The following HDAC5 variants were observed in gnomAD, a reference collection of about 807,000 sequenced individuals.
HDAC5 encodes antigen NY-CO-9.
HDAC5 carries 25 observed loss-of-function variants against 133.3 expected under a neutral mutation model. The ratio of observed to expected loss-of-function variants is 0.19; its 90% CI spans 0.14 to 0.26. The LOEUF (loss-of-function observed/expected upper bound fraction) is 0.26, where lower values mean the gene tolerates loss of function less well. Among genes scored for constraint, HDAC5 ranks in the 10% least tolerant of loss-of-function variants. The pLI is 1.00. For missense variants in HDAC5, 1,041 were observed against 1,460.5 expected, an observed-to-expected ratio of 0.71 and a Z score of 4.68; for synonymous variants, 589 against 610.8, an observed-to-expected ratio of 0.96 and a Z score of 0.53.
At chr17:44,084,001 G>A in intron 16 of HDAC5, 147 bp from the exon 17 acceptor site, 1 of 668,178 alleles carries the variant, frequency 1.5e-6, no homozygotes, top group East Asian at 2.7e-5. Flanking sequence ...GCACACACCT[G>A]TAAACCCAGC....
Position 44,078,328 on chromosome 17 carries a change from A to G in HDAC5, c.*48T>C, listed in dbSNP as rs2050207252. On this transcript the variant is annotated 3_prime_UTR_variant, in exon 27 of 27. Transcript: ENST00000682912. ...TGACTTTTTGTTTTTAATAGAAAAAATAAACAAAATCACAATGGTGAAGCC... is the reference window on the plus strand; with the variant it reads ...TGACTTTTTGTTTTTAATAGAAAAAGTAAACAAAATCACAATGGTGAAGCC... The G allele has an allele frequency of 4.0e-6, 6 of 1,502,316 alleles. No individual in the cohort carries two copies. The highest frequency in any genetic ancestry group is 2.8e-5 in the African/African-American group (2 of 71,272). The allele number at this position is 1,502,316 out of a possible 1,614,324, so 93.1% of individuals were successfully genotyped here.
At chr17:44,116,881 C>T (rs1437246061) in intron 2 of HDAC5, among the ~76,000 whole-genome samples, 2 of 151,990 alleles carry the variant, frequency 1.3e-5, no homozygotes, top group Non-Finnish European at 2.9e-5. Context: ...AGTAAAAGAC[C>T]CCAGATTAGC....
intron 3 of HDAC5, among the ~76,000 whole-genome samples, chr17:44,095,667 G>C (rs1221093277): frequency 6.6e-6 from 1 of 151,968 alleles, no homozygotes; most frequent in African/African-American, 2.4e-5. Flanking sequence ...TGAAAATGCC[G>C]CTATATATAG....
Position 44,093,778 on chromosome 17 carries a change from C to T in HDAC5, c.151G>A (p.Gly51Arg). 1.3e-6 allele frequency: 2 copies of T among 1,569,656 alleles called. No individual in the cohort carries two copies. The highest frequency in any genetic ancestry group is 1.4e-5 in the African/African-American group (1 of 73,664). Residue 51 changes from glycine (G) to arginine (R), a missense_variant, in exon 4 of 27, where the codon GGA (glycine) becomes AGA (arginine). Gly to Arg is a moderately radical substitution (Grantham distance 125, BLOSUM62 -2). Around this residue, in one of 9 missense-constraint regions of HDAC5, gnomAD observed 93 missense variants for 98.8 expected, o/e 0.94. Transcript: ENST00000682912. ...AMPSSMGGGG[G>R]GSPSPVELRG... The stretch of plus-strand genomic sequence containing the variant: ...AGCTCCACAGGGCTGGGGCTGCCTC[C>T]ACCCCCACCCCCCATGGAACTGGGC...
chr17:44,092,119 A>G (rs756843115), intron 9 of HDAC5, 53 bp downstream of exon 9: 5 of 1,493,006 alleles, frequency 3.3e-6, no homozygotes, highest in Non-Finnish European at 4.6e-6. Context: ...TCTTTCTTCC[A>G]TGGGAAGGAG....
At position 44,078,198 on chromosome 17, in the gene HDAC5, C is replaced by T; in HGVS notation, c.*178G>A. 1.8e-6 allele frequency: 1 copy of T among 571,048 alleles called. No homozygotes were observed. The highest frequency in any genetic ancestry group is 2.9e-6 in the Non-Finnish European group (1 of 339,098). The allele number at this position is 571,048 out of a possible 1,614,324, so 35.4% of individuals were successfully genotyped here. ...CACCACCCCCTGCAGAGGGAGCAGG[C>T]TTCTAGAGCTGAGGTGGAAGCCACA... On this transcript the variant is annotated 3_prime_UTR_variant, in exon 27 of 27. Transcript: ENST00000682912.
intron 13 of HDAC5, 140 bp from the exon 14 acceptor site, chr17:44,086,877 C>CCCTCCAGCCTGGGACT (rs2050677432): frequency 3.9e-6 from 2 of 507,686 alleles, no homozygotes; most frequent in Non-Finnish European, 6.2e-6. Flanking sequence ...CCCACTTGCT[C>CCCTCCAGCCTGGGACT]CCTCCAGGGA....
At position 44,080,750 on chromosome 17, in the gene HDAC5, CCAG is replaced by C; in HGVS notation, c.2727+10_2727+12del. 6.2e-7 allele frequency: 1 copy of C among 1,614,182 alleles called. No homozygotes were observed. The highest frequency in any genetic ancestry group is 8.5e-7 in the Non-Finnish European group (1 of 1,180,020). ...GGGCCAGGAGGGTCTGCATTTACGC[CCAG>C]GAGCTGTACCTCTTCAGGAGCCCCA... On this transcript the variant is annotated intron_variant, in intron 21 of 26. Coordinates refer to ENST00000682912, the MANE Select transcript of HDAC5 (RefSeq NM_005474.5).
At chr17:44,100,929 C>A (rs910061357) in intron 3 of HDAC5, among the ~76,000 whole-genome samples, 5 of 148,700 alleles carry the variant, frequency 3.4e-5, no homozygotes, top group African/African-American at 1.2e-4. Context: ...GCTGGGACTA[C>A]AGGCATGTGC....
In HDAC5 at chr17:44,082,820, T is replaced by G; in HGVS notation, c.2464A>C (p.Asn822His). ...AFKVAAGELK[N>H]GFAIIRPPGH... ...GGGGGCCGGATGATGGCAAATCCAT[T>G]CTGAAGAGGTGCAGGCAGAGGTGAG... Residue 822 changes from asparagine to histidine, a missense_variant and splice_region_variant, in exon 19 of 27, where the codon AAT (asparagine) becomes CAT (histidine). Asn to His is a moderately conservative substitution (Grantham distance 68). Coordinates refer to ENST00000682912, the MANE Select transcript of HDAC5 (RefSeq NM_005474.5). 1 of 1,552,932 alleles carries G rather than the reference T, an allele frequency of 6.4e-7. No homozygotes were observed. Among genetic ancestry groups the G allele is most frequent in the Non-Finnish European group, 8.7e-7 (1 of 1,147,660 alleles).
chr17:44,080,463 G>A lies in HDAC5; in HGVS notation c.2763C>T (p.Asn921=), dbSNP rs139019058. ...GGTCCACACCTCCTGTCCATGCCAC[G>A]TTCACATTGTACCCCACGCCTGGTC... ...GGGPGVGYNV[N]VAWTGGVDPP... is the part of the protein sequence containing the mutation. Residue 921 remains asparagine, a synonymous_variant, in exon 22 of 27, where the codon AAC becomes AAT. Coordinates refer to ENST00000682912, the MANE Select transcript of HDAC5 (RefSeq NM_005474.5). 1.0e-4 allele frequency: 162 copies of A among 1,614,018 alleles called. No homozygotes were observed. Among genetic ancestry groups the A allele is most frequent in the Non-Finnish European group, 1.3e-4 (153 of 1,180,028 alleles).
rs371025868 is a variant in HDAC5, at chr17:44,080,171, G to A, written c.2880C>T (p.Ser960=). The change falls in exon 23 of 27, where the codon TCC becomes TCT. Residue 960 remains serine, a synonymous_variant. Transcript: ENST00000682912. ...GTCCTTCAACAGCATCAAACCCGGC[G>A]GAGACTAGGACCACATCAGGTGAGA... ...HEFSPDVVLV[S]AGFDAVEGHL... 9.3e-6 allele frequency: 15 copies of A among 1,613,994 alleles called. No individual in the cohort carries two copies. The highest frequency in any genetic ancestry group is 4.0e-5 in the African/African-American group (3 of 74,898).
chr17:44,096,867 G>A (rs778022730), intron 3 of HDAC5, among the ~76,000 whole-genome samples: 2 of 151,416 alleles, frequency 1.3e-5, no homozygotes, highest in African/African-American at 4.9e-5. Flanking sequence ...GATTACAGGC[G>A]CCCACCACCA....
intron 3 of HDAC5, among the ~76,000 whole-genome samples, chr17:44,097,904 C>G (rs2051367619): frequency 6.6e-6 from 1 of 152,272 alleles, no homozygotes; most frequent in Admixed American, 6.5e-5. Context: ...ACTGCAGCAG[C>G]AGAGATGTTA....
intron 1 of HDAC5, among the ~76,000 whole-genome samples, chr17:44,118,484 T>C (rs866855404): frequency 8.5e-5 from 13 of 152,286 alleles, no homozygotes; most frequent in African/African-American, 2.9e-4. Context: ...GGGACGATTT[T>C]TTCCCAGTTT....
chr17:44,101,659 G>A (rs149356020), intron 3 of HDAC5, among the ~76,000 whole-genome samples: 1 of 152,308 alleles, frequency 6.6e-6, no homozygotes, highest in East Asian at 1.9e-4. Flanking sequence ...AGACACAGGT[G>A]AGGAAACCAA....
chr17:44,093,972 T>C (rs1481066467), intron 3 of HDAC5, 138 bp from the exon 4 acceptor site: 2 of 1,114,952 alleles, frequency 1.8e-6, no homozygotes, highest in African/African-American at 3.2e-5. Context: ...ATCCCTCTGC[T>C]CCATGGATGC....
At chr17:44,097,370 A>G (rs939969357) in intron 3 of HDAC5, among the ~76,000 whole-genome samples, 4 of 152,262 alleles carry the variant, frequency 2.6e-5, no homozygotes, top group Admixed American at 2.6e-4. Flanking sequence ...CTGTGGCCAC[A>G]AGGCCAGAGC....
chr17:44,085,301 C>A (rs2050593257), intron 14 of HDAC5, 146 bp from the exon 15 acceptor site: 6 of 651,574 alleles, frequency 9.2e-6, no homozygotes, highest in East Asian at 3.1e-5. Flanking sequence ...CACCCTGCCA[C>A]AAACCTGCCC....
Sources: gnomAD v4.1 joint callset for allele counts (sites outside exome capture counted in the v4.1 genomes callset) on GRCh38, gnomAD v4.1.1 for gene constraint, gnomAD v4.1.1 regional missense constraint, MANE v1.5 for transcripts, NCBI Gene and HGNC (gene_info 2026-07-23, HGNC 2026-07-21) for gene names.